Variants in TRPC4 observed in about 807,000 individuals in gnomAD.
The protein encoded by TRPC4 is short transient receptor potential channel 4.
Under a neutral mutation model 99.4 loss-of-function variants are expected in TRPC4, and 49 were observed. The observed-to-expected ratio is 0.49, with a 90% CI of 0.39 to 0.63. TRPC4 has a LOEUF of 0.63. Among genes scored for constraint, TRPC4 ranks in the 20% least tolerant of loss-of-function variants. The pLI, the probability that TRPC4 is intolerant of heterozygous loss-of-function variation, is 0.00. For synonymous variants in TRPC4, 454 were observed against 425.9 expected, an observed-to-expected ratio of 1.07 and a Z score of -0.81; for missense variants, 898 against 1,152.9, an observed-to-expected ratio of 0.78 and a Z score of 3.20.
At chr13:37,669,987 G>T (rs1268297861) in intron 5 of TRPC4, among the ~76,000 whole-genome samples, 1 of 152,058 alleles carries the variant, frequency 6.6e-6, no homozygotes, top group East Asian at 1.9e-4. Flanking sequence ...AGGTCATGAG[G>T]GTGGGCTTTC....
At chr13:37,812,176 C>CAAAAAAAAAAACAAAAAAAAA (rs1957709166) in intron 1 of TRPC4, among the ~76,000 whole-genome samples, 1 of 55,142 alleles carries the variant, frequency 1.8e-5, no homozygotes, top group Non-Finnish European at 3.1e-5. Flanking sequence ...GAGACTCTAT[C>CAAAAAAAAAAACAAAAAAAAA]AAAAAAAAAA....
intron 1 of TRPC4, among the ~76,000 whole-genome samples, chr13:37,841,538 T>A (rs1958729880): frequency 2.6e-5 from 4 of 151,468 alleles, no homozygotes; most frequent in Admixed American, 2.6e-4. Flanking sequence ...TAAAGAAATA[T>A]AAAACTTTAA....
At chr13:37,689,031 C>T (rs138735810) in intron 4 of TRPC4, among the ~76,000 whole-genome samples, 10 of 152,248 alleles carry the variant, frequency 6.6e-5, no homozygotes, top group East Asian at 1.9e-4. Flanking sequence ...ATATATATTA[C>T]GCTTCTGGTT....
intron 1 of TRPC4, among the ~76,000 whole-genome samples, chr13:37,809,478 T>C (rs932897909): frequency 6.6e-6 from 1 of 151,314 alleles, no homozygotes; most frequent in Non-Finnish European, 1.5e-5. Flanking sequence ...TTTTTTTTTT[T>C]TTAAATAACT....
intron 1 of TRPC4, among the ~76,000 whole-genome samples, chr13:37,813,659 A>T (rs1309769554): frequency 6.6e-6 from 1 of 151,936 alleles, no homozygotes; most frequent in Non-Finnish European, 1.5e-5. Flanking sequence ...TAAACAAGCT[A>T]CCAAACAGAC....
At chr13:37,797,298 T>C (rs1183456145) in intron 1 of TRPC4, among the ~76,000 whole-genome samples, 1 of 152,170 alleles carries the variant, frequency 6.6e-6, no homozygotes, top group African/African-American at 2.4e-5. Flanking sequence ...CTAGTTCAAC[T>C]GACTATGGAT....
intron 3 of TRPC4, among the ~76,000 whole-genome samples, chr13:37,705,001 G>GT (rs1954221227): frequency 1.3e-5 from 2 of 152,064 alleles, no homozygotes; most frequent in South Asian, 4.1e-4. Flanking sequence ...GCACTTCTGT[G>GT]TTTTTTGCAG....
chr13:37,863,349 T>C (rs1480078910), intron 1 of TRPC4, among the ~76,000 whole-genome samples: 1 of 151,634 alleles, frequency 6.6e-6, no homozygotes, highest in Non-Finnish European at 1.5e-5. Context: ...TACTCTATAC[T>C]ATTTGATAAT....
At chr13:37,649,235 A>G (rs1951943243) in intron 8 of TRPC4, among the ~76,000 whole-genome samples, 1 of 152,038 alleles carries the variant, frequency 6.6e-6, no homozygotes, top group Admixed American at 6.6e-5. Context: ...AGCATTAATT[A>G]TTTCTTGCAT....
chr13:37,807,111 T>G, intron 1 of TRPC4, among the ~76,000 whole-genome samples: 1 of 152,104 alleles, frequency 6.6e-6, no homozygotes, highest in East Asian at 1.9e-4. Flanking sequence ...CTTCTTTCCC[T>G]GCCCTCTCTC....
intron 1 of TRPC4, among the ~76,000 whole-genome samples, chr13:37,861,796 A>T (rs1215512553): frequency 6.6e-6 from 1 of 151,478 alleles, no homozygotes; most frequent in African/African-American, 2.4e-5. Flanking sequence ...CTCTTTTTAT[A>T]CAGCACATGC....
At chr13:37,762,369 A>C (rs1413321720) in intron 2 of TRPC4, among the ~76,000 whole-genome samples, 1 of 151,802 alleles carries the variant, frequency 6.6e-6, no homozygotes, top group Non-Finnish European at 1.5e-5. Flanking sequence ...GTTACTGGTT[A>C]TATACCCAAA....
At position 37,746,457 on chromosome 13, in the gene TRPC4, TAAA is replaced by T. The variant is rs35278654; in HGVS notation, c.379-5_379-3del. On this transcript the variant is annotated splice_polypyrimidine_tract_variant and splice_region_variant and intron_variant, in intron 2 of 10. Transcript: ENST00000379705. Reference sequence around the variant, plus strand: ...CTTATCAAGGAGTATAGGAGGCACCTAAAAAAAAAAAAGGCAGAGGTGATGAAT... The same window carrying T: ...CTTATCAAGGAGTATAGGAGGCACCTAAAAAAAAAGGCAGAGGTGATGAAT... The T allele has an allele frequency of 1.6e-4, 216 of 1,336,110 alleles. No individual in the cohort carries two copies. Among genetic ancestry groups the T allele is most frequent in the South Asian group, 6.0e-4 (43 of 71,158 alleles). The allele number at this position is 1,336,110 out of a possible 1,614,324, so 82.8% of individuals were successfully genotyped here. A position where few individuals can be genotyped will look rare whatever the true frequency, so the allele number is the denominator to read the frequency against.
At chr13:37,814,553 G>A (rs541745549) in intron 1 of TRPC4, among the ~76,000 whole-genome samples, 1 of 151,828 alleles carries the variant, frequency 6.6e-6, no homozygotes, top group South Asian at 2.1e-4. Flanking sequence ...ACAGTTCCAT[G>A]TAAAACAACA....
At chr13:37,803,822 A>G (rs1957466101) in intron 1 of TRPC4, among the ~76,000 whole-genome samples, 1 of 151,140 alleles carries the variant, frequency 6.6e-6, no homozygotes, top group Admixed American at 6.6e-5. Context: ...AAAGAGGCAG[A>G]GCCAAGGCTC....
chr13:37,653,348 CCT>C lies in TRPC4; in HGVS notation c.1884+1738_1884+1739del, dbSNP rs200648841. ...TTCTGCCTTTCAACAGTTAAATTTT[CCT>C]CTTTTTCATGGTTTACCGATGGCTC... On this transcript the variant is annotated intron_variant, in intron 7 of 10. Transcript: ENST00000379705. Among the ~76,000 whole-genome samples the C allele has an allele frequency of 4.7e-4, 72 of 151,726 alleles. No homozygotes were observed. In the East Asian group the frequency reaches 0.013, roughly 27 times the overall value.
At chr13:37,822,057 G>C (rs542981530) in intron 1 of TRPC4, among the ~76,000 whole-genome samples, 1 of 152,128 alleles carries the variant, frequency 6.6e-6, no homozygotes, top group African/African-American at 2.4e-5. Flanking sequence ...TGAAAAAAAT[G>C]CATTTGACAA....
At chr13:37,867,949 A>G (rs551043567) in intron 1 of TRPC4, among the ~76,000 whole-genome samples, 24 of 152,256 alleles carry the variant, frequency 1.6e-4, no homozygotes, top group African/African-American at 5.8e-4. Flanking sequence ...TGTGTATAGA[A>G]TAAGACATTA....
At chr13:37,721,398 A>G (rs1362324362) in intron 3 of TRPC4, among the ~76,000 whole-genome samples, 1 of 152,196 alleles carries the variant, frequency 6.6e-6, no homozygotes, top group Non-Finnish European at 1.5e-5. Flanking sequence ...CATTCAAAAT[A>G]TATTTCAGCA....
Sources: allele counts gnomAD v4.1 joint callset (sites outside exome capture counted in the v4.1 genomes callset), GRCh38; gene constraint gnomAD v4.1.1; transcripts MANE v1.5; gene names NCBI Gene and HGNC (gene_info 2026-07-23, HGNC 2026-07-21).